Variants in ARMC2 observed in about 807,000 individuals in gnomAD.
ARMC2 encodes armadillo repeat containing 2, also known as armadillo repeat-containing protein 2.
ARMC2 carries 67 observed loss-of-function variants against 90.3 expected under a neutral mutation model. The observed-to-expected ratio is 0.74, with a 90% CI of 0.61 to 0.91. The LOEUF is 0.91. Among genes scored for constraint, ARMC2 ranks in the 40% least tolerant of loss-of-function variants. The probability of loss-of-function intolerance (pLI) is 0.00; values close to 1 mark genes in which losing one functional copy is unlikely to be tolerated. For missense variants in ARMC2, 920 were observed against 1,030.9 expected, an observed-to-expected ratio of 0.89 and a Z score of 1.47; for synonymous variants, 393 against 393.0, an observed-to-expected ratio of 1.00 and a Z score of 0.00.
the ARMC2 span, chr6:108,998,776 G>T: frequency 1.7e-4 from 263 of 1,582,616 alleles, 2 homozygotes; most frequent in East Asian, 5.6e-3. Flanking sequence ...AAAAAAAAAA[G>T]AATATATTTT....
At chr6:108,946,483 A>G (rs747198855) in intron 12 of ARMC2, among the ~76,000 whole-genome samples, 3 of 152,232 alleles carry the variant, frequency 2.0e-5, no homozygotes, top group Non-Finnish European at 4.4e-5. Context: ...GCAGTAGTGC[A>G]CAGTCTGTCT....
At chr6:108,970,987 C>T (rs1778725308) in intron 17 of ARMC2, among the ~76,000 whole-genome samples, 1 of 152,044 alleles carries the variant, frequency 6.6e-6, no homozygotes. Flanking sequence ...CTTTGGGAGG[C>T]CAAGGTGGGT....
At chr6:109,019,828 T>G in the ARMC2 span, among the ~76,000 whole-genome samples, 2 of 152,240 alleles carry the variant, frequency 1.3e-5, no homozygotes, top group Non-Finnish European at 2.9e-5. Flanking sequence ...TGTCAATAAA[T>G]TCAACTTTCA....
At chr6:108,934,177 T>C (rs1276199815) in intron 11 of ARMC2, among the ~76,000 whole-genome samples, 1 of 152,208 alleles carries the variant, frequency 6.6e-6, no homozygotes, top group African/African-American at 2.4e-5. Context: ...CCTAGTTTAT[T>C]GAGAGTTTTT....
chr6:109,003,233 CAATTA>C, the ARMC2 span, among the ~76,000 whole-genome samples: 2 of 151,412 alleles, frequency 1.3e-5, no homozygotes. Flanking sequence ...AGAATTTATA[CAATTA>C]AAGATTAACC....
chr6:109,008,829 A>G, the ARMC2 span: 1 of 985,606 alleles, frequency 1.0e-6, no homozygotes. Context: ...TAGAGCTTGC[A>G]GGACACACTT....
At chr6:108,913,308 C>T (rs966466858) in intron 10 of ARMC2, among the ~76,000 whole-genome samples, 5 of 152,308 alleles carry the variant, frequency 3.3e-5, no homozygotes, top group Middle Eastern at 3.4e-3. Flanking sequence ...TCAGAGCACA[C>T]TAAGCCATTG....
chr6:108,920,095 A>G (rs1774403031), intron 10 of ARMC2, among the ~76,000 whole-genome samples: 1 of 152,158 alleles, frequency 6.6e-6, no homozygotes, highest in Non-Finnish European at 1.5e-5. Context: ...TATTTTGCTT[A>G]GCATATTGTT....
intron 12 of ARMC2, among the ~76,000 whole-genome samples, chr6:108,945,311 T>G (rs1776728481): frequency 1.3e-5 from 2 of 152,170 alleles, no homozygotes; most frequent in Non-Finnish European, 2.9e-5. Flanking sequence ...TGGAAGAACA[T>G]GAAGGGATTT....
chr6:109,027,589 AT>A, the ARMC2 span, among the ~76,000 whole-genome samples: 1 of 150,664 alleles, frequency 6.6e-6, no homozygotes, highest in Non-Finnish European at 1.5e-5. Context: ...TTAACAAGTG[AT>A]TTTTTTCTCC....
the ARMC2 span, among the ~76,000 whole-genome samples, chr6:109,021,103 C>G: frequency 6.6e-6 from 1 of 152,058 alleles, no homozygotes; most frequent in Non-Finnish European, 1.5e-5. Flanking sequence ...AAGTGGTTCT[C>G]CCACCTCAGC....
chr6:109,029,322 A>G, the ARMC2 span, among the ~76,000 whole-genome samples: 1 of 152,246 alleles, frequency 6.6e-6, no homozygotes, highest in African/African-American at 2.4e-5. Context: ...TGAACCAAAA[A>G]GTTGGTCTCC....
chr6:109,020,175 GCTT>G, the ARMC2 span, among the ~76,000 whole-genome samples: 10 of 152,254 alleles, frequency 6.6e-5, no homozygotes, highest in African/African-American at 1.9e-4. Context: ...TGAGGCCTAA[GCTT>G]CTTCTTTTTT....
chr6:109,049,321 A>G, the ARMC2 span, among the ~76,000 whole-genome samples: 1 of 152,182 alleles, frequency 6.6e-6, no homozygotes, highest in Non-Finnish European at 1.5e-5. Context: ...GAAAGCCAAA[A>G]AAAAAAAGTT....
chr6:108,930,946 G>A (rs1775516118), intron 11 of ARMC2, among the ~76,000 whole-genome samples: 1 of 142,148 alleles, frequency 7.0e-6, no homozygotes, highest in Admixed American at 7.2e-5. Flanking sequence ...AGAGGTACAT[G>A]TGCAGGTTTG....
intron 15 of ARMC2, among the ~76,000 whole-genome samples, chr6:108,962,558 TAGGAGGATATATGC>T (rs1224588144): frequency 2.6e-5 from 4 of 152,144 alleles, no homozygotes; most frequent in Admixed American, 6.5e-5. Context: ...TTAAAAGCAA[TAGGAGGATATATGC>T]AGAGGAATGC....
At chr6:109,052,387 T>C in the ARMC2 span, among the ~76,000 whole-genome samples, 6 of 152,180 alleles carry the variant, frequency 3.9e-5, no homozygotes, top group African/African-American at 1.4e-4. Flanking sequence ...AGACACAAAA[T>C]GATTAAAATT....
rs190568556 is a variant in ARMC2, at chr6:108,926,232, A to G, written c.1351-1856A>G. Among the ~76,000 whole-genome samples, 7 of 152,278 alleles carry G rather than the reference A, an allele frequency of 4.6e-5. No homozygotes were observed. The South Asian group carries it at 1.2e-3, about 27-fold the overall frequency. On this transcript the variant is annotated intron_variant, in intron 10 of 17. Coordinates refer to ENST00000392644, the MANE Select transcript of ARMC2 (RefSeq NM_032131.6). Reference sequence around the variant, plus strand: ...ATGGTTTCCCATGATGTCTGTCTGCATGGGAGTTACACAGGCATCTGTACT... The same window carrying G: ...ATGGTTTCCCATGATGTCTGTCTGCGTGGGAGTTACACAGGCATCTGTACT...
chr6:108,934,293 T>C (rs1775796764), intron 11 of ARMC2, among the ~76,000 whole-genome samples: 1 of 152,248 alleles, frequency 6.6e-6, no homozygotes, highest in Non-Finnish European at 1.5e-5. Flanking sequence ...CATATTTACC[T>C]GAATTGCTTT....
Sources: gnomAD v4.1 joint callset for allele counts (sites outside exome capture counted in the v4.1 genomes callset) on GRCh38, gnomAD v4.1.1 for gene constraint, MANE v1.5 for transcripts, NCBI Gene and HGNC (gene_info 2026-07-23, HGNC 2026-07-21) for gene names.